HIVEP1: variants seen among roughly 807,000 people sequenced by gnomAD.
The protein encoded by HIVEP1 is zinc finger protein 40.
A neutral mutation model predicts 180.0 loss-of-function variants in HIVEP1; 36 were observed. The observed-to-expected ratio is 0.20, with a 90% CI of 0.15 to 0.26. The LOEUF is 0.26. Among genes scored for constraint, HIVEP1 ranks in the 10% least tolerant of loss-of-function variants. HIVEP1 has a pLI of 1.00. For missense variants in HIVEP1, 3,143 were observed against 3,268.7 expected, an observed-to-expected ratio of 0.96 and a Z score of 0.94; for synonymous variants, 1,239 against 1,239.0, an observed-to-expected ratio of 1.00 and a Z score of 0.00.
intron 1 of HIVEP1, among the ~76,000 whole-genome samples, chr6:12,013,405 C>T (rs756682117): frequency 6.6e-6 from 1 of 152,164 alleles, no homozygotes; most frequent in Non-Finnish European, 1.5e-5. Flanking sequence ...TCGTCCTAGT[C>T]GCTACAATGC....
intron 2 of HIVEP1, among the ~76,000 whole-genome samples, chr6:12,057,990 G>A (rs1770985538): frequency 6.6e-6 from 1 of 152,056 alleles, no homozygotes; most frequent in African/African-American, 2.4e-5. Flanking sequence ...ATAGCCTTTT[G>A]ACTTGCATGA....
chr6:12,067,014 C>G (rs1419085674), intron 2 of HIVEP1, among the ~76,000 whole-genome samples: 1 of 151,906 alleles, frequency 6.6e-6, no homozygotes, highest in Non-Finnish European at 1.5e-5. Context: ...AATTTATTTT[C>G]CTGAAATATA....
the HIVEP1 span, among the ~76,000 whole-genome samples, chr6:12,176,235 T>TG: frequency 8.1e-5 from 12 of 148,874 alleles, no homozygotes; most frequent in Non-Finnish European, 1.5e-4. Flanking sequence ...AGTCTTGGGT[T>TG]TTTTTTTTTT....
rs538835003 is a variant in HIVEP1, at chr6:12,124,950, C to G, written c.5155C>G (p.Leu1719Val). Reference protein sequence around the residue: ...VFSEMSQNSSLSESLPITQKI... With the variant: ...VFSEMSQNSSVSESLPITQKI... ...TTCAGAGATGAGCCAAAATTCTTCT[C>G]TATCAGAATCCTTGCCCATAACTCA... Residue 1719 changes from leucine (L) to valine (V), a missense_variant, in exon 4 of 9, where the codon CTA becomes GTA. By Grantham distance (32) the Leu-to-Val change is conservative. This residue lies in a region of HIVEP1 where 1,357 missense variants were observed against 1,260.5 expected (regional missense o/e 1.08). Transcript: ENST00000379388. 1.9e-6 allele frequency: 3 copies of G among 1,614,040 alleles called. No homozygotes were observed. The highest frequency in any genetic ancestry group is 2.7e-5 in the African/African-American group (2 of 75,052).
the HIVEP1 span, among the ~76,000 whole-genome samples, chr6:12,181,755 C>T: frequency 6.6e-6 from 1 of 152,174 alleles, no homozygotes; most frequent in African/African-American, 2.4e-5. Context: ...TGGATGCCAT[C>T]ATAGTGATAC....
chr6:12,049,620 T>C (rs776008543), intron 2 of HIVEP1, among the ~76,000 whole-genome samples: 16 of 152,232 alleles, frequency 1.1e-4, no homozygotes, highest in Non-Finnish European at 2.1e-4. Context: ...AGAAGGTATT[T>C]TTCTGTCTGC....
chr6:12,081,761 C>G (rs1680111007), intron 2 of HIVEP1, among the ~76,000 whole-genome samples: 1 of 152,126 alleles, frequency 6.6e-6, no homozygotes, highest in Non-Finnish European at 1.5e-5. Context: ...TTTCTCTATC[C>G]CCTGCTCCTT....
rs962303559 is a variant in HIVEP1 at position 12,089,220 on chromosome 6, C to T, written c.77C>T (p.Ala26Val). The T allele has an allele frequency of 1.9e-6, 3 of 1,564,190 alleles. No homozygotes were observed. The highest frequency in any genetic ancestry group is 1.1e-5 in the South Asian group (1 of 87,614). ...GAAGCACAAAAAGAACTTAATGGGG[C>T]AGAAGTTTCAAAAAAAGGTAAATTA... ...IEEAQKELNG[A>V]EVSKKEILQA... The change falls in exon 3 of 9, where the codon GCA becomes GTA. Residue 26 changes from alanine (A) to valine (V), a missense_variant. Physicochemically the swap from Ala to Val is moderately conservative, Grantham distance 64. This residue lies in a region of HIVEP1 where 114 missense variants were observed against 134.5 expected (regional missense o/e 0.85). Coordinates refer to ENST00000379388, the MANE Select transcript of HIVEP1 (RefSeq NM_002114.4).
the HIVEP1 span, among the ~76,000 whole-genome samples, chr6:12,209,365 G>A: frequency 1.3e-5 from 2 of 152,244 alleles, no homozygotes; most frequent in Middle Eastern, 3.4e-3. Context: ...CCCGGGAGGC[G>A]GAGCTTGCAG....
chr6:12,155,118 A>G (rs1399022094), intron 7 of HIVEP1, among the ~76,000 whole-genome samples: 1 of 152,188 alleles, frequency 6.6e-6, no homozygotes, highest in East Asian at 1.9e-4. Flanking sequence ...GAATACGATA[A>G]ATTTCCCACT....
At chr6:12,137,759 T>C (rs967386263) in intron 7 of HIVEP1, among the ~76,000 whole-genome samples, 5 of 152,330 alleles carry the variant, frequency 3.3e-5, no homozygotes, top group Middle Eastern at 3.4e-3. Flanking sequence ...TGCTTTATTA[T>C]AGGCTTGCAG....
the HIVEP1 span, among the ~76,000 whole-genome samples, chr6:12,192,322 A>G: frequency 1.3e-5 from 2 of 152,166 alleles, no homozygotes; most frequent in African/African-American, 4.8e-5. Flanking sequence ...GATACACAAT[A>G]TTTGTACATA....
chr6:12,055,215 C>T (rs1376283701), intron 2 of HIVEP1, among the ~76,000 whole-genome samples: 1 of 152,248 alleles, frequency 6.6e-6, no homozygotes, highest in East Asian at 1.9e-4. Context: ...TGGCTCACGC[C>T]TGTAATCCCA....
At chr6:12,207,681 G>T in the HIVEP1 span, among the ~76,000 whole-genome samples, 1 of 151,224 alleles carries the variant, frequency 6.6e-6, no homozygotes, top group East Asian at 1.9e-4. Flanking sequence ...AGGGCAAGGG[G>T]CTTACTTTAG....
At chr6:12,188,928 G>A in the HIVEP1 span, among the ~76,000 whole-genome samples, 660 of 151,918 alleles carry the variant, frequency 4.3e-3, 1 homozygote, top group Non-Finnish European at 7.8e-3. Context: ...GTTCCTGTCC[G>A]TACTCCAAAT....
intron 2 of HIVEP1, among the ~76,000 whole-genome samples, chr6:12,079,347 C>T (rs1218759380): frequency 6.6e-6 from 1 of 152,088 alleles, no homozygotes; most frequent in African/African-American, 2.4e-5. Context: ...ATTATTAGAT[C>T]TATTTTTGGT....
intron 7 of HIVEP1, among the ~76,000 whole-genome samples, chr6:12,152,844 A>G (rs1254489786): frequency 6.6e-6 from 1 of 152,160 alleles, no homozygotes; most frequent in African/African-American, 2.4e-5. Context: ...TCTCACCCAT[A>G]CTGCTAATCC....
the HIVEP1 span, among the ~76,000 whole-genome samples, chr6:12,179,375 G>A: frequency 0.015 from 2,286 of 152,128 alleles, 60 homozygotes; most frequent in African/African-American, 0.05. Flanking sequence ...CATTCCCTCC[G>A]CACCATCCAC....
the HIVEP1 span, among the ~76,000 whole-genome samples, chr6:12,192,864 A>C: frequency 6.6e-6 from 1 of 151,394 alleles, no homozygotes; most frequent in East Asian, 1.9e-4. Flanking sequence ...TTTTTTTTAC[A>C]ATACAGCTAA....
Sources: allele counts gnomAD v4.1 joint callset (sites outside exome capture counted in the v4.1 genomes callset), GRCh38; gene constraint gnomAD v4.1.1; regional missense constraint gnomAD v4.1.1; transcripts MANE v1.5; gene names NCBI Gene and HGNC (gene_info 2026-07-23, HGNC 2026-07-21).